POF1B: variants seen among roughly 807,000 people sequenced by gnomAD.
POF1B encodes POF1B actin binding protein.
Under a neutral mutation model 55.3 loss-of-function variants are expected in POF1B, and 53 were observed. The observed-to-expected ratio is 0.96, with a 90% confidence interval of 0.77 to 1.20. The LOEUF is 1.20. Ranked by LOEUF, POF1B falls within the 50% of genes most tolerant of loss-of-function variation. POF1B has a pLI of 0.00. For synonymous variants in POF1B, 188 were observed against 148.3 expected, an observed-to-expected ratio of 1.27 and a Z score of -1.95; for missense variants, 478 against 420.5, an observed-to-expected ratio of 1.14 and a Z score of -1.20.
rs868052745 is a variant in POF1B at position 85,319,306 on chromosome X, G to A, written c.855-3572C>T. On this transcript the variant is annotated intron_variant, in intron 7 of 16. Transcript: ENST00000262753. ...AGTTTTCTAGGTATAGAATCATATT[G>A]TCTGCAAACAGGGATAGTTTGACTT... Among the ~76,000 whole-genome samples, 7 of 111,425 alleles carry A rather than the reference G, an allele frequency of 6.3e-5. No homozygotes were observed. The South Asian group carries it at 1.5e-3, about 24-fold the overall frequency.
intron 9 of POF1B, among the ~76,000 whole-genome samples, chrX:85,312,358 G>A (rs1188480083): frequency 2.7e-5 from 3 of 111,909 alleles, no homozygotes; most frequent in African/African-American, 9.8e-5. Context: ...TGTATAAAGT[G>A]TAAGGAAGGG....
chrX:85,313,560 C>T (rs1268078985), intron 9 of POF1B, among the ~76,000 whole-genome samples: 4 of 111,864 alleles, frequency 3.6e-5, no homozygotes, highest in Middle Eastern at 4.6e-3. Flanking sequence ...TTTTGATATG[C>T]TGCTGGATTC....
chrX:85,289,083 T>C (rs1932122762), intron 15 of POF1B, among the ~76,000 whole-genome samples: 1 of 111,012 alleles, frequency 9.0e-6, no homozygotes, highest in African/African-American at 3.3e-5. Flanking sequence ...CAGAACAGCC[T>C]GAAGATAAAT....
intron 14 of POF1B, 100 bp from the exon 15 acceptor site, chrX:85,303,588 C>T (rs1478721571): frequency 1.8e-6 from 1 of 562,549 alleles, no homozygotes; most frequent in African/African-American, 2.4e-5. Context: ...ATGATTATAC[C>T]CCCTCCCTTT....
chrX:85,304,417 C>A lies in POF1B; in HGVS notation c.1492G>T (p.Asp498Tyr). 8.4e-7 allele frequency: 1 copy of A among 1,192,570 alleles called. No homozygotes were observed. Among genetic ancestry groups the A allele is most frequent in the South Asian group, 1.8e-5 (1 of 54,401 alleles). Residue 498 changes from aspartate to tyrosine, a missense_variant, in exon 14 of 17, where the codon GAC (aspartate) becomes TAC (tyrosine). Physicochemically the swap from Asp to Tyr is radical, Grantham distance 160. Transcript: ENST00000262753. ...AGTTCATGAAGCTTAAATTGGAAGT[C>A]ACTACAACTTCCTTCTCTCTTTGAA... ...DVSKREGSCS[D>Y]FQFKLHELTS... is the part of the protein sequence containing the mutation.
chrX:85,294,946 A>G lies in POF1B; in HGVS notation c.1649+8460T>C, dbSNP rs75586298. Among the ~76,000 whole-genome samples, 3 of 111,470 alleles carry G rather than the reference A, an allele frequency of 2.7e-5. No individual in the cohort carries two copies. The South Asian group carries it at 1.1e-3, about 42-fold the overall frequency. On this transcript the variant is annotated intron_variant, in intron 15 of 16. Coordinates refer to ENST00000262753, the MANE Select transcript of POF1B (RefSeq NM_024921.4). ...AAGTTTTCACTTTCTTCCTGGTTCA[A>G]TCTTGGAAGGGTATGTGTTTTTATG... is the stretch of plus-strand genomic sequence containing the variant.
intron 5 of POF1B, among the ~76,000 whole-genome samples, chrX:85,348,934 G>A (rs1053597001): frequency 4.5e-5 from 5 of 111,290 alleles, no homozygotes; most frequent in Middle Eastern, 4.2e-3. Context: ...TATTTAAAAC[G>A]TGTCAAACTT....
intron 7 of POF1B, among the ~76,000 whole-genome samples, chrX:85,329,635 T>G (rs1214361713): frequency 9.4e-6 from 1 of 106,773 alleles, no homozygotes; most frequent in Non-Finnish European, 1.9e-5. Flanking sequence ...TGGTCGTTTT[T>G]TTTTTTTTTA....
In POF1B at chrX:85,312,945, T is replaced by C. The variant is rs767275079; in HGVS notation, c.957+1487A>G. 2.7e-5 allele frequency among the ~76,000 whole-genome samples: 3 copies of C among 111,887 alleles called. No individual in the cohort carries two copies. In the Admixed American group the frequency reaches 2.9e-4, roughly 11 times the overall value. ...TTATTCTCTTTGTAGCAATTGTGAA[T>C]GTGAGTTCACTCAAGATTTGGCCCT... On this transcript the variant is annotated intron_variant, in intron 9 of 16. Transcript: ENST00000262753.
intron 6 of POF1B, among the ~76,000 whole-genome samples, chrX:85,339,806 A>G (rs1346654685): frequency 9.0e-6 from 1 of 111,535 alleles, no homozygotes; most frequent in Non-Finnish European, 1.9e-5. Context: ...ATTCTTGAAG[A>G]TCAAAAGAAT....
intron 10 of POF1B, among the ~76,000 whole-genome samples, chrX:85,307,796 T>G (rs6653057): frequency 0.019 from 2,134 of 111,783 alleles, 47 homozygotes; most frequent in African/African-American, 0.066. Flanking sequence ...CAGAGTATGC[T>G]TTATAATTAT....
At chrX:85,304,292 A>G in intron 14 of POF1B, 51 bp downstream of exon 14, 1 of 1,052,693 alleles carries the variant, frequency 9.5e-7, no homozygotes, top group Non-Finnish European at 1.2e-6. Flanking sequence ...CTACAGTACT[A>G]CAGTACTAAG....
intron 7 of POF1B, among the ~76,000 whole-genome samples, chrX:85,326,104 C>T (rs1276878604): frequency 8.9e-6 from 1 of 111,947 alleles, no homozygotes; most frequent in Non-Finnish European, 1.9e-5. Flanking sequence ...TGGGTGGTGC[C>T]AGCCACCATA....
chrX:85,303,561 T>C, intron 14 of POF1B, 73 bp from the exon 15 acceptor site: 1 of 730,073 alleles, frequency 1.4e-6, no homozygotes, highest in South Asian at 2.8e-5. Context: ...TTTAATCATT[T>C]AGAAGGGTTA....
At chrX:85,304,192 C>A in intron 14 of POF1B, 151 bp downstream of exon 14, 1 of 539,813 alleles carries the variant, frequency 1.9e-6, no homozygotes, top group Non-Finnish European at 2.6e-6. Context: ...TATGTATATT[C>A]TACTTCCTCA....
intron 5 of POF1B, among the ~76,000 whole-genome samples, chrX:85,350,605 C>G (rs1933362828): frequency 9.0e-6 from 1 of 111,312 alleles, no homozygotes; most frequent in African/African-American, 3.3e-5. Context: ...GAGGAATCAC[C>G]ACATTGACTT....
At chrX:85,300,592 A>G (rs1034358353) in intron 15 of POF1B, among the ~76,000 whole-genome samples, 8 of 112,118 alleles carry the variant, frequency 7.1e-5, no homozygotes, top group African/African-American at 2.3e-4. Flanking sequence ...GGAGTATCTA[A>G]TTTCCAGAGT....
intron 2 of POF1B, among the ~76,000 whole-genome samples, chrX:85,370,961 A>ATT (rs201081257): frequency 6.3e-5 from 7 of 111,792 alleles, no homozygotes; most frequent in African/African-American, 2.3e-4. Context: ...TGAACAGTCA[A>ATT]TGTTTTTGTT....
intron 2 of POF1B, among the ~76,000 whole-genome samples, chrX:85,372,772 A>ATATATATATAT (rs1193270205): frequency 9.9e-6 from 1 of 101,499 alleles, no homozygotes; most frequent in African/African-American, 3.6e-5. Flanking sequence ...TATTATATAT[A>ATATATATATAT]CTATATATAT....
Sources: allele counts gnomAD v4.1 joint callset (sites outside exome capture counted in the v4.1 genomes callset), GRCh38; gene constraint gnomAD v4.1.1; transcripts MANE v1.5; gene names NCBI Gene and HGNC (gene_info 2026-07-23, HGNC 2026-07-21).